Variants in ZNF486 observed in about 807,000 individuals in gnomAD.
The protein encoded by ZNF486 is zinc finger protein 486, also known as KRAB box only protein 2.
Under a neutral mutation model 12.8 loss-of-function variants are expected in ZNF486, and 12 were observed. The observed-to-expected ratio is 0.94, with a 90% CI of 0.60 to 1.52. The LOEUF is 1.52. ZNF486 is among the 40% of genes most tolerant of loss of function. ZNF486 has a pLI of 0.00. For missense variants in ZNF486, 738 were observed against 545.0 expected, an observed-to-expected ratio of 1.35 and a Z score of -3.53; for synonymous variants, 231 against 184.9, an observed-to-expected ratio of 1.25 and a Z score of -2.02.
chr19:20,193,844 TTTC>T (rs1257834692), intron 3 of ZNF486, among the ~76,000 whole-genome samples: 3 of 152,110 alleles, frequency 2.0e-5, no homozygotes, highest in African/African-American at 7.2e-5. Flanking sequence ...ATGCTTTCAG[TTTC>T]TTATTTTCTT....
chr19:20,174,878 T>A (rs2122633298), intron 1 of ZNF486: 1 of 152,328 alleles, frequency 6.6e-6, no homozygotes, highest in East Asian at 1.9e-4. Flanking sequence ...TTTCATTAAA[T>A]TGGTATGCTG....
chr19:20,183,617 AGTTAATG>A (rs1298557124), intron 1 of ZNF486, among the ~76,000 whole-genome samples: 2 of 152,206 alleles, frequency 1.3e-5, no homozygotes, highest in African/African-American at 2.4e-5. Context: ...ATCGTAGTGC[AGTTAATG>A]GTTAATGATT....
intron 1 of ZNF486, among the ~76,000 whole-genome samples, chr19:20,169,324 G>T (rs1011548522): frequency 2.0e-5 from 3 of 152,096 alleles, no homozygotes; most frequent in East Asian, 3.9e-4. Context: ...GGTCAGGCTG[G>T]TCTCTAACTC....
At chr19:20,184,837 C>G (rs775126223) in intron 2 of ZNF486, among the ~76,000 whole-genome samples, 15 of 152,052 alleles carry the variant, frequency 9.9e-5, no homozygotes, top group Non-Finnish European at 1.8e-4. Flanking sequence ...CAGGGCCAGG[C>G]GCAGTGGCTC....
chr19:20,170,149 G>A (rs111380437), intron 1 of ZNF486, among the ~76,000 whole-genome samples: 453 of 151,400 alleles, frequency 3.0e-3, no homozygotes, highest in Middle Eastern at 0.01. Flanking sequence ...CGCCCGCCTC[G>A]GCCTCCCGAA....
intron 1 of ZNF486, among the ~76,000 whole-genome samples, chr19:20,180,492 T>A (rs1555715395): frequency 6.6e-6 from 1 of 152,202 alleles, no homozygotes; most frequent in African/African-American, 2.4e-5. Flanking sequence ...TCCAGAACCT[T>A]GGGTTTTATT....
chr19:20,173,517 A>G (rs1279003128), intron 1 of ZNF486, among the ~76,000 whole-genome samples: 1 of 152,138 alleles, frequency 6.6e-6, no homozygotes, highest in Non-Finnish European at 1.5e-5. Context: ...GGTGTCCAAG[A>G]GTTCAAAACT....
intron 1 of ZNF486, among the ~76,000 whole-genome samples, chr19:20,177,935 C>CTTTTTTTTTTTTTT (rs1241165221): frequency 0.023 from 3,355 of 144,420 alleles, 59 homozygotes; most frequent in Middle Eastern, 0.04. Flanking sequence ...AACATTTGTT[C>CTTTTTTTTTTTTTT]TTTTTTTTTG....
chr19:20,190,653 A>G (rs2089893101), intron 3 of ZNF486, among the ~76,000 whole-genome samples: 1 of 152,204 alleles, frequency 6.6e-6, no homozygotes, highest in Non-Finnish European at 1.5e-5. Flanking sequence ...CCAAAGTGTT[A>G]GGGTTATAGG....
Position 20,186,206 on chromosome 19 carries a change from G to T in ZNF486, c.253+124G>T, listed in dbSNP as rs2089844242. The T allele has an allele frequency of 4.9e-5, 26 of 534,798 alleles. No homozygotes were observed. In the East Asian group the frequency reaches 9.8e-4, roughly 20 times the overall value. 33.1% of individuals were successfully genotyped at this position (534,798 alleles called of 1,614,324 possible). On this transcript the variant is annotated intron_variant, in intron 3 of 3. Coordinates refer to ENST00000335117, the MANE Select transcript of ZNF486 (RefSeq NM_052852.4). ...TTCCAAAGGAAATAGTTCCTGGGCA[G>T]CTGTTTTATTTATTTATTTATTTAT...
chr19:20,172,702 C>G (rs1555714070), intron 1 of ZNF486, among the ~76,000 whole-genome samples: 3 of 148,782 alleles, frequency 2.0e-5, no homozygotes, highest in South Asian at 2.2e-4. Context: ...TGCAGTGGCA[C>G]TATCTCGGCT....
intron 1 of ZNF486, among the ~76,000 whole-genome samples, chr19:20,177,927 C>T (rs2089739921): frequency 7.1e-6 from 1 of 140,866 alleles, no homozygotes; most frequent in African/African-American, 2.9e-5. Context: ...GGGCTGTAAA[C>T]ATTTGTTCTT....
chr19:20,197,939 A>G lies in ZNF486; in HGVS notation c.1229A>G (p.Glu410Gly), dbSNP rs546567001. 3.0e-5 allele frequency: 49 copies of G among 1,613,846 alleles called. No individual in the cohort carries two copies. The Admixed American group carries it at 6.8e-4, about 23-fold the overall frequency. ...GGAGAGAAACCCTACAAATGTGAAG[A>G]ATGTGGCAAAGCGTATACTACATCC... is the stretch of plus-strand genomic sequence containing the variant. ...HTGEKPYKCE[E>G]CGKAYTTSSN... is the part of the protein sequence containing the mutation. The change falls in exon 4 of 4, where the codon GAA becomes GGA. Residue 410 changes from glutamate (E) to glycine (G), a missense_variant. By Grantham distance (98) the Glu-to-Gly change is moderately conservative. Transcript: ENST00000335117.
At chr19:20,178,625 G>A (rs1241236946) in intron 1 of ZNF486, among the ~76,000 whole-genome samples, 1 of 152,242 alleles carries the variant, frequency 6.6e-6, no homozygotes, top group East Asian at 1.9e-4. Flanking sequence ...GTGCCAACCA[G>A]AATTTAGCAA....
intron 1 of ZNF486, among the ~76,000 whole-genome samples, chr19:20,180,098 A>T (rs567567389): frequency 6.6e-6 from 1 of 152,332 alleles, no homozygotes; most frequent in Admixed American, 6.5e-5. Flanking sequence ...TTCACCAGGA[A>T]TTCCCTCACA....
intron 1 of ZNF486, among the ~76,000 whole-genome samples, chr19:20,167,931 T>C (rs1160261381): frequency 6.6e-6 from 1 of 152,174 alleles, no homozygotes; most frequent in East Asian, 1.9e-4. Context: ...TTCTCCCTTT[T>C]CCTTTTCTCG....
chr19:20,200,256 T>C lies in ZNF486; in HGVS notation c.*2154T>C, dbSNP rs2090000645. On this transcript the variant is annotated 3_prime_UTR_variant, in exon 4 of 4. Coordinates refer to ENST00000335117, the MANE Select transcript of ZNF486 (RefSeq NM_052852.4). ...AGATAGTTTTTTATTAATTGGGCAT[T>C]TATGACCTTTTCTATAAAAGTAAGG... is the stretch of plus-strand genomic sequence containing the variant. 6.6e-6 allele frequency: 1 copy of C among 152,164 alleles called. No homozygotes were observed. The highest frequency in any genetic ancestry group is 2.4e-5 in the African/African-American group (1 of 41,440). The allele number at this position is 152,164 out of a possible 1,614,324, so 9.4% of individuals were successfully genotyped here.
rs550983129 is a variant in ZNF486, at chr19:20,188,026, C to T, written c.253+1944C>T. Among the ~76,000 whole-genome samples, 11 of 152,050 alleles carry T rather than the reference C, an allele frequency of 7.2e-5. No individual in the cohort carries two copies. In the East Asian group the frequency reaches 9.7e-4, roughly 13 times the overall value. On this transcript the variant is annotated intron_variant, in intron 3 of 3. Transcript: ENST00000335117. The stretch of plus-strand genomic sequence containing the variant: ...CTGCATATCCTTCAGGGCTTTGCTC[C>T]GTAGTTAAAACACTAGGGTATGTTT...
At chr19:20,172,452 C>G (rs2089659069) in intron 1 of ZNF486, among the ~76,000 whole-genome samples, 1 of 151,940 alleles carries the variant, frequency 6.6e-6, no homozygotes, top group South Asian at 2.1e-4. Flanking sequence ...GCACCTGCAC[C>G]ACTCCCAGCT....
Sources: allele counts gnomAD v4.1 joint callset (sites outside exome capture counted in the v4.1 genomes callset), GRCh38; gene constraint gnomAD v4.1.1; transcripts MANE v1.5; gene names NCBI Gene and HGNC (gene_info 2026-07-23, HGNC 2026-07-21).